Variants in FYB1 observed in about 807,000 individuals in gnomAD.
FYB1 encodes FYN binding protein 1.
FYB1 carries 41 observed loss-of-function variants against 94.1 expected under a neutral mutation model. That is an observed-to-expected ratio of 0.44 (90% CI 0.34 to 0.57). The LOEUF is 0.57. FYB1 is among the 20% of genes least tolerant of loss of function. The pLI is 0.02. For missense variants in FYB1, 1,050 were observed against 976.8 expected, an observed-to-expected ratio of 1.07 and a Z score of -1.00; for synonymous variants, 367 against 353.2, an observed-to-expected ratio of 1.04 and a Z score of -0.44.
At chr5:39,162,913 GTCT>G (rs1744392478) in intron 2 of FYB1, among the ~76,000 whole-genome samples, 1 of 152,094 alleles carries the variant, frequency 6.6e-6, no homozygotes, top group Non-Finnish European at 1.5e-5. Flanking sequence ...GTGTGAGTAT[GTCT>G]TCTTTATAAA....
At chr5:39,159,965 C>T (rs959469920) in intron 2 of FYB1, among the ~76,000 whole-genome samples, 1 of 152,188 alleles carries the variant, frequency 6.6e-6, no homozygotes. Flanking sequence ...TTCCCCCACC[C>T]TAGATACCAG....
chr5:39,145,621 A>G (rs1580379923), intron 3 of FYB1, among the ~76,000 whole-genome samples: 1 of 152,324 alleles, frequency 6.6e-6, no homozygotes, highest in East Asian at 1.9e-4. Flanking sequence ...ATATTAATTA[A>G]AAAGATGAAA....
At chr5:39,211,727 G>A (rs1020428383) in intron 1 of FYB1, among the ~76,000 whole-genome samples, 2 of 152,106 alleles carry the variant, frequency 1.3e-5, no homozygotes, top group Non-Finnish European at 2.9e-5. Context: ...TTTGTCAAGC[G>A]AAAAATAGAA....
chr5:39,113,392 A>G lies in FYB1; in HGVS notation c.2402-3003T>C, dbSNP rs112347881. ...GGATTCTCACATACAATATGAAATT[A>G]TTATTTGGAAACCTCACATTTATAG... On this transcript the variant is annotated intron_variant, in intron 16 of 18. Transcript: ENST00000512982. Among the ~76,000 whole-genome samples the G allele has an allele frequency of 3.4e-3, 519 of 152,220 alleles. 3 individuals are homozygous for G. The highest frequency in any genetic ancestry group is 0.02 in the Middle Eastern group (6 of 294).
intron 1 of FYB1, among the ~76,000 whole-genome samples, chr5:39,240,406 A>G (rs1218579023): frequency 6.6e-6 from 1 of 152,194 alleles, no homozygotes; most frequent in African/African-American, 2.4e-5. Context: ...ATGGGAGAAA[A>G]TGTTTGCAAA....
chr5:39,154,047 A>C lies in FYB1; in HGVS notation c.1136-443T>G, dbSNP rs73089180. ...GCAATCCTCCTGCCGTGACCTCCCCAAATGTTGGGATTACAGGTGTGAGCC... is the reference window on the plus strand; with the variant it reads ...GCAATCCTCCTGCCGTGACCTCCCCCAATGTTGGGATTACAGGTGTGAGCC... On this transcript the variant is annotated intron_variant, in intron 2 of 18. Transcript: ENST00000512982. 2.0e-3 allele frequency among the ~76,000 whole-genome samples: 303 copies of C among 152,262 alleles called. 1 individual carries two copies. Among genetic ancestry groups the C allele is most frequent in the African/African-American group, 6.9e-3 (285 of 41,562 alleles).
intron 10 of FYB1, among the ~76,000 whole-genome samples, chr5:39,130,018 G>A (rs2150307924): frequency 6.6e-6 from 1 of 151,834 alleles, no homozygotes; most frequent in African/African-American, 2.4e-5. Context: ...AATTATCATT[G>A]GATGAATGGA....
At chr5:39,121,183 CAAAAA>C (rs56376626) in intron 14 of FYB1, among the ~76,000 whole-genome samples, 2 of 57,672 alleles carry the variant, frequency 3.5e-5, no homozygotes, top group East Asian at 8.8e-4. Context: ...TAATGTAAAG[CAAAAA>C]AAAAAAAAAA....
At position 39,192,754 on chromosome 5, in the gene FYB1, A is replaced by T. The variant is rs535328557; in HGVS notation, c.1135+9072T>A. Among the ~76,000 whole-genome samples the T allele has an allele frequency of 3.3e-5, 5 of 152,348 alleles. No individual in the cohort carries two copies. The South Asian group carries it at 1.0e-3, about 32-fold the overall frequency. On this transcript the variant is annotated intron_variant, in intron 2 of 18. Transcript: ENST00000512982. ...TAAGTATGGACTATTGTTGAGCTAA[A>T]GTTAATATTAAAAGAATAGCTGGTG...
At chr5:39,135,343 T>C (rs1015888999) in intron 7 of FYB1, among the ~76,000 whole-genome samples, 1 of 152,242 alleles carries the variant, frequency 6.6e-6, no homozygotes, top group African/African-American at 2.4e-5. Flanking sequence ...CAATCCATGC[T>C]GTGTGCTATG....
chr5:39,232,823 C>A (rs1030851707), intron 1 of FYB1, among the ~76,000 whole-genome samples: 5 of 150,486 alleles, frequency 3.3e-5, no homozygotes, highest in African/African-American at 1.2e-4. Flanking sequence ...CAGTGTTTGG[C>A]TTTTTGTTCT....
At chr5:39,170,311 G>C (rs1580450460) in intron 2 of FYB1, 1 of 1,389,540 alleles carries the variant, frequency 7.2e-7, no homozygotes, top group East Asian at 2.4e-5. Context: ...TGTCTTTCCA[G>C]CAAGATCAAC....
chr5:39,179,007 T>C (rs1745982000), intron 2 of FYB1, among the ~76,000 whole-genome samples: 1 of 152,340 alleles, frequency 6.6e-6, no homozygotes, highest in Non-Finnish European at 1.5e-5. Flanking sequence ...CATGTAAATG[T>C]CGGCTTGTTT....
At chr5:39,222,332 T>C (rs2150556390), upstream of FYB1, among the ~76,000 whole-genome samples, 1 of 152,296 alleles carries the variant, frequency 6.6e-6, no homozygotes, top group African/African-American at 2.4e-5. Context: ...TTCCAGCTTG[T>C]AGTACATTGC....
intron 16 of FYB1, among the ~76,000 whole-genome samples, chr5:39,115,326 C>G (rs1739432130): frequency 6.6e-6 from 1 of 152,024 alleles, no homozygotes; most frequent in Non-Finnish European, 1.5e-5. Flanking sequence ...AACTCCTGAC[C>G]TAAAGTGATC....
chr5:39,183,914 G>A (rs566117114), intron 2 of FYB1, among the ~76,000 whole-genome samples: 1 of 152,050 alleles, frequency 6.6e-6, no homozygotes, highest in Non-Finnish European at 1.5e-5. Flanking sequence ...AGCTCATTCT[G>A]GTATAGATGA....
intron 1 of FYB1, among the ~76,000 whole-genome samples, chr5:39,232,097 C>T (rs1750768669): frequency 6.6e-6 from 1 of 152,080 alleles, no homozygotes; most frequent in Non-Finnish European, 1.5e-5. Flanking sequence ...GGTGAACTTT[C>T]TCTGAACCAA....
chr5:39,116,843 C>A (rs1260715620), intron 16 of FYB1, among the ~76,000 whole-genome samples: 3 of 149,118 alleles, frequency 2.0e-5, no homozygotes, highest in Non-Finnish European at 1.5e-5. Flanking sequence ...AAAAAATAAG[C>A]AAAAAAAAAA....
rs550453086 is a variant in FYB1 at position 39,157,379 on chromosome 5, C to G, written c.1136-3775G>C. Reference sequence around the variant, plus strand: ...AGTTTAATGCAGGAAAGACCTGGCTCTAGAGACTGTAAGGCTCACATATCG... The same window carrying G: ...AGTTTAATGCAGGAAAGACCTGGCTGTAGAGACTGTAAGGCTCACATATCG... On this transcript the variant is annotated intron_variant, in intron 2 of 18. Coordinates refer to ENST00000512982, the MANE Select transcript of FYB1 (RefSeq NM_001465.6). Among the ~76,000 whole-genome samples the G allele has an allele frequency of 3.3e-5, 5 of 152,226 alleles. No individual in the cohort carries two copies. In the South Asian group the frequency reaches 1.0e-3, roughly 32 times the overall value.
Sources: allele counts gnomAD v4.1 joint callset (sites outside exome capture counted in the v4.1 genomes callset), GRCh38; gene constraint gnomAD v4.1.1; transcripts MANE v1.5; gene names NCBI Gene and HGNC (gene_info 2026-07-23, HGNC 2026-07-21).